CEP120: variants seen among roughly 807,000 people sequenced by gnomAD.
CEP120 encodes centrosomal protein of 120 kDa.
In CEP120, 113 loss-of-function variants were observed where a neutral mutation model predicts 126.5. That is an observed-to-expected ratio of 0.89 (90% confidence interval 0.77 to 1.04). CEP120 has a LOEUF of 1.04. CEP120 is among the 50% of genes least tolerant of loss of function. CEP120 has a pLI of 0.00. For synonymous variants in CEP120, 400 were observed against 394.3 expected (o/e 1.01, Z -0.17); for missense variants, 1,230 against 1,155.7 (o/e 1.06, Z -0.93).
chr5:123,376,215 G>A (rs1771211839), intron 16 of CEP120, among the ~76,000 whole-genome samples: 1 of 152,062 alleles, frequency 6.6e-6, no homozygotes, highest in Admixed American at 6.6e-5. Flanking sequence ...ATAAAAATTT[G>A]TCCTAGACTT....
chr5:123,386,121 TA>T lies in CEP120; in HGVS notation c.1580+396del, dbSNP rs1005654904. On this transcript the variant is annotated intron_variant, in intron 10 of 19. Transcript: ENST00000306467. ...AGATTAACATCTCTAGTTATAGGTTTAAAAAAACAGAAAAAGCAAATTTTTT... is the reference window on the plus strand; with the variant it reads ...AGATTAACATCTCTAGTTATAGGTTTAAAAAACAGAAAAAGCAAATTTTTT... Among the ~76,000 whole-genome samples, 5 of 152,082 alleles carry T rather than the reference TA, an allele frequency of 3.3e-5. 1 individual carries two copies. Among genetic ancestry groups the T allele is most frequent in the African/African-American group, 2.4e-5 (1 of 41,406 alleles).
intron 4 of CEP120, among the ~76,000 whole-genome samples, chr5:123,410,227 T>C (rs1773961177): frequency 6.6e-6 from 1 of 152,202 alleles, no homozygotes; most frequent in Non-Finnish European, 1.5e-5. Flanking sequence ...AGATAGTGCA[T>C]GTTCACAGAA....
Position 123,423,172 on chromosome 5 carries a change from C to T in CEP120, c.-174G>A. 2 of 617,662 alleles carry T rather than the reference C, an allele frequency of 3.2e-6. No homozygotes were observed. The highest frequency in any genetic ancestry group is 5.8e-6 in the Non-Finnish European group (2 of 346,684). 38.3% of individuals were successfully genotyped at this position (617,662 alleles called of 1,614,324 possible). On this transcript the variant is annotated 5_prime_UTR_variant, in exon 1 of 20. Coordinates refer to ENST00000306467, the MANE Select transcript of CEP120 (RefSeq NM_001375405.1). The stretch of plus-strand genomic sequence containing the variant: ...CCGTCTGCTGCAGCGCGCCCGGCTC[C>T]TCTGCCTCGGGCCGCCAGCCCAGAT...
intron 6 of CEP120, among the ~76,000 whole-genome samples, chr5:123,391,904 G>A (rs11241691): frequency 0.72 from 109,486 of 151,782 alleles, 39,687 homozygotes; most frequent in African/African-American, 0.78. Context: ...CTGGAGTGGA[G>A]TATACTGTTA....
rs960817330 is a variant in CEP120 at position 123,416,413 on chromosome 5, C to CA, written c.207-290dup. On this transcript the variant is annotated intron_variant, in intron 2 of 19. Coordinates refer to ENST00000306467, the MANE Select transcript of CEP120 (RefSeq NM_001375405.1). ...TCATCTCTACTAAAATTAAAAAAAA[C>CA]AAAAAAAAATAGCTGGGTGTGGTGC... is the stretch of plus-strand genomic sequence containing the variant. Among the ~76,000 whole-genome samples the CA allele has an allele frequency of 1.7e-3, 251 of 148,932 alleles. 1 individual carries two copies. The highest frequency in any genetic ancestry group is 5.4e-3 in the African/African-American group (220 of 40,644).
intron 4 of CEP120, chr5:123,402,011 G>A (rs1773280883): frequency 6.2e-7 from 1 of 1,607,620 alleles, no homozygotes; most frequent in East Asian, 2.2e-5. Context: ...GCTGCTCCAG[G>A]AACCGTACCT....
At chr5:123,363,513 G>C (rs1288554027) in intron 18 of CEP120, among the ~76,000 whole-genome samples, 2 of 151,154 alleles carry the variant, frequency 1.3e-5, no homozygotes, top group African/African-American at 4.9e-5. Flanking sequence ...TCTATCCTTA[G>C]TCCTGTCAAC....
At chr5:123,405,496 A>G (rs1773583286) in intron 4 of CEP120, among the ~76,000 whole-genome samples, 1 of 152,230 alleles carries the variant, frequency 6.6e-6, no homozygotes, top group Non-Finnish European at 1.5e-5. Context: ...TTGAGGTTCT[A>G]TCAGAGCCTA....
At chr5:123,376,482 C>T (rs1771235841) in intron 16 of CEP120, among the ~76,000 whole-genome samples, 1 of 152,092 alleles carries the variant, frequency 6.6e-6, no homozygotes, top group Admixed American at 6.6e-5. Flanking sequence ...GGCAATGATT[C>T]TGATCTTTTT....
chr5:123,413,298 TA>T (rs1774184641), intron 3 of CEP120, among the ~76,000 whole-genome samples: 1 of 150,828 alleles, frequency 6.6e-6, no homozygotes, highest in Non-Finnish European at 1.5e-5. Flanking sequence ...TAATAATAAA[TA>T]AATAAGAAAA....
rs776387918 is a variant in CEP120 at position 123,399,303 on chromosome 5, G to T, written c.464-19C>A. ...GCAGGTACTTTACAGAGAAAAACAC[G>T]ATTAAACTACATTGTAGTTTGTCAT... On this transcript the variant is annotated intron_variant, in intron 4 of 19. Coordinates refer to ENST00000306467, the MANE Select transcript of CEP120 (RefSeq NM_001375405.1). 6.2e-6 allele frequency: 10 copies of T among 1,610,296 alleles called. No homozygotes were observed. In the South Asian group the frequency reaches 6.6e-5, roughly 11 times the overall value.
rs775135801 is a variant in CEP120 at position 123,384,992 on chromosome 5, A to T, written c.1722T>A (p.Arg574=). 6.2e-7 allele frequency: 1 copy of T among 1,612,222 alleles called. No homozygotes were observed. Among genetic ancestry groups the T allele is most frequent in the Non-Finnish European group, 8.5e-7 (1 of 1,179,254 alleles). Residue 574 remains arginine, a synonymous_variant, in exon 11 of 20, where the codon CGT becomes CGA. Coordinates refer to ENST00000306467, the MANE Select transcript of CEP120 (RefSeq NM_001375405.1). ...CAGGCACACTTTCACTGTAAGTTTGACGCCAACACTGTTCACCATTAGAAC... is the reference window on the plus strand; with the variant it reads ...CAGGCACACTTTCACTGTAAGTTTGTCGCCAACACTGTTCACCATTAGAAC... ...FLGSNGEQCW[R]QTYSESVPVI... is the part of the protein sequence containing the mutation.
chr5:123,374,458 G>A (rs1021512878), intron 16 of CEP120, among the ~76,000 whole-genome samples: 1 of 152,048 alleles, frequency 6.6e-6, no homozygotes, highest in African/African-American at 2.4e-5. Context: ...AAAAAGGTAC[G>A]AAGATGTTCT....
intron 1 of CEP120, among the ~76,000 whole-genome samples, chr5:123,420,123 A>T (rs1774629142): frequency 6.6e-6 from 1 of 152,216 alleles, no homozygotes; most frequent in African/African-American, 2.4e-5. Context: ...CACATCGCAC[A>T]GCTCTCCCAA....
intron 17 of CEP120, among the ~76,000 whole-genome samples, chr5:123,365,428 C>T (rs1770387090): frequency 1.3e-5 from 2 of 151,668 alleles, no homozygotes; most frequent in African/African-American, 2.4e-5. Context: ...GCTTGAATTA[C>T]AGTAATACAC....
chr5:123,412,090 C>T (rs1359372883), intron 4 of CEP120, among the ~76,000 whole-genome samples: 1 of 152,204 alleles, frequency 6.6e-6, no homozygotes, highest in Non-Finnish European at 1.5e-5. Flanking sequence ...AAATAGAGAA[C>T]AGCATGATCA....
intron 18 of CEP120, among the ~76,000 whole-genome samples, chr5:123,351,167 G>A (rs1769173468): frequency 6.6e-6 from 1 of 152,134 alleles, no homozygotes; most frequent in African/African-American, 2.4e-5. Context: ...CAGACTGCCA[G>A]AATCCCAGAA....
At chr5:123,386,157 A>T (rs1158140889) in intron 10 of CEP120, among the ~76,000 whole-genome samples, 1 of 152,146 alleles carries the variant, frequency 6.6e-6, no homozygotes, top group Non-Finnish European at 1.5e-5. Context: ...TCATTCAGTG[A>T]ATCAACAATA....
chr5:123,414,304 T>A (rs1003389903), intron 3 of CEP120, among the ~76,000 whole-genome samples: 1 of 152,116 alleles, frequency 6.6e-6, no homozygotes, highest in African/African-American at 2.4e-5. Context: ...AGGAAAAACC[T>A]TTTCAGAATA....
Sources: allele counts gnomAD v4.1 joint callset (sites outside exome capture counted in the v4.1 genomes callset), GRCh38; gene constraint gnomAD v4.1.1; transcripts MANE v1.5; gene names NCBI Gene and HGNC (gene_info 2026-07-23, HGNC 2026-07-21).